Variants in ADAMTSL1 observed in about 807,000 individuals in gnomAD.
ADAMTSL1 encodes ADAMTS-like protein 1.
Under a neutral mutation model 201.8 loss-of-function variants are expected in ADAMTSL1, and 126 were observed. That is an observed-to-expected ratio of 0.62 (90% confidence interval 0.54 to 0.72). The LOEUF is 0.72. Ranked by LOEUF, ADAMTSL1 falls within the 30% of genes least tolerant of loss-of-function variation. The probability of loss-of-function intolerance (pLI) is 0.00; values close to 1 mark genes in which losing one functional copy is unlikely to be tolerated. For synonymous variants in ADAMTSL1, 1,121 were observed against 903.4 expected (o/e 1.24, Z -4.32); for missense variants, 2,679 against 2,277.8 (o/e 1.18, Z -3.59).
chr9:18,811,722 C>G (rs933244009), intron 20 of ADAMTSL1, among the ~76,000 whole-genome samples: 1 of 152,180 alleles, frequency 6.6e-6, no homozygotes, highest in African/African-American at 2.4e-5. Context: ...ACCTTCATCA[C>G]CCTTATTCAT....
intron 2 of ADAMTSL1, among the ~76,000 whole-genome samples, chr9:18,225,697 A>G (rs1224535504): frequency 6.6e-6 from 1 of 152,150 alleles, no homozygotes; most frequent in Non-Finnish European, 1.5e-5. Context: ...TTTGTTCAGA[A>G]GTATTTTTAA....
intron 1 of ADAMTSL1, among the ~76,000 whole-genome samples, chr9:17,913,509 C>G (rs1237194705): frequency 1.3e-5 from 2 of 152,070 alleles, no homozygotes; most frequent in Admixed American, 6.6e-5. Context: ...ATCTCTGGGA[C>G]ACATTCAAAG....
chr9:18,283,148 T>C (rs1309493937), intron 2 of ADAMTSL1, among the ~76,000 whole-genome samples: 2 of 152,230 alleles, frequency 1.3e-5, no homozygotes, highest in Non-Finnish European at 2.9e-5. Context: ...TAAGTTTATA[T>C]ACTCTTATAA....
chr9:17,978,476 G>C (rs183979848), intron 1 of ADAMTSL1, among the ~76,000 whole-genome samples: 270 of 151,864 alleles, frequency 1.8e-3, no homozygotes, highest in Admixed American at 9.4e-3. Flanking sequence ...TTTTTGCTTT[G>C]TATTTCCATG....
chr9:18,371,305 A>G (rs937349022), intron 2 of ADAMTSL1, among the ~76,000 whole-genome samples: 11 of 152,204 alleles, frequency 7.2e-5, no homozygotes, highest in Non-Finnish European at 1.3e-4. Flanking sequence ...CATCATTAGA[A>G]TAATACATTC....
intron 23 of ADAMTSL1, among the ~76,000 whole-genome samples, chr9:18,886,259 CACACAG>C (rs1242432193): frequency 6.8e-6 from 1 of 147,862 alleles, no homozygotes; most frequent in African/African-American, 2.5e-5. Context: ...TACATACACA[CACACAG>C]AAATTATCTG....
In ADAMTSL1 at chr9:17,923,184, G is replaced by A. The variant is rs938900579; in HGVS notation, c.87+16262G>A. On this transcript the variant is annotated intron_variant, in intron 1 of 29. Transcript: ENST00000680146. ...TTTTTCCAATTCTGTGAAGAAAGTC[G>A]TTGGTAGCTTGATGGGGATGGCATT... Among the ~76,000 whole-genome samples the A allele has an allele frequency of 2.7e-3, 408 of 151,238 alleles. 1 individual carries two copies. Among genetic ancestry groups the A allele is most frequent in the Non-Finnish European group, 3.7e-3 (253 of 67,706 alleles).
intron 1 of ADAMTSL1, among the ~76,000 whole-genome samples, chr9:18,104,267 C>T (rs7871438): frequency 0.11 from 16,740 of 152,066 alleles, 1,288 homozygotes; most frequent in African/African-American, 0.21. Context: ...GCAGTGTAGT[C>T]GCAATCCCGT....
At chr9:18,624,695 G>A (rs1826245336) in intron 5 of ADAMTSL1, among the ~76,000 whole-genome samples, 2 of 152,116 alleles carry the variant, frequency 1.3e-5, no homozygotes, top group South Asian at 2.1e-4. Flanking sequence ...GTTAGGGAGG[G>A]ATGGGTGACC....
intron 4 of ADAMTSL1, among the ~76,000 whole-genome samples, chr9:18,599,211 G>A (rs1301094106): frequency 6.6e-6 from 1 of 152,178 alleles, no homozygotes; most frequent in Non-Finnish European, 1.5e-5. Context: ...ACACAAGTTA[G>A]GGATGAAAGG....
intron 1 of ADAMTSL1, among the ~76,000 whole-genome samples, chr9:18,037,239 G>C (rs1263234385): frequency 6.6e-6 from 1 of 152,156 alleles, no homozygotes; most frequent in East Asian, 1.9e-4. Flanking sequence ...GGTGGGACTT[G>C]TAGTCCCTTT....
At chr9:18,806,147 T>C (rs1247747255) in intron 20 of ADAMTSL1, among the ~76,000 whole-genome samples, 2 of 152,246 alleles carry the variant, frequency 1.3e-5, no homozygotes, top group African/African-American at 4.8e-5. Flanking sequence ...CAACAAACGT[T>C]CATTAAGCCT....
intron 1 of ADAMTSL1, among the ~76,000 whole-genome samples, chr9:18,044,469 T>A (rs1444228420): frequency 6.6e-6 from 1 of 152,148 alleles, no homozygotes; most frequent in Non-Finnish European, 1.5e-5. Flanking sequence ...GGACCAGTCT[T>A]CATAACTCTT....
chr9:18,789,554 G>A (rs1452784340), intron 19 of ADAMTSL1, among the ~76,000 whole-genome samples: 1 of 152,174 alleles, frequency 6.6e-6, no homozygotes, highest in Non-Finnish European at 1.5e-5. Flanking sequence ...TTTATTTAGT[G>A]TGCCAGCACT....
chr9:18,730,249 C>T (rs1444684779), intron 15 of ADAMTSL1, among the ~76,000 whole-genome samples: 1 of 152,094 alleles, frequency 6.6e-6, no homozygotes, highest in Admixed American at 6.5e-5. Flanking sequence ...TAGAAATATG[C>T]TATATTACTA....
intron 2 of ADAMTSL1, among the ~76,000 whole-genome samples, chr9:18,230,528 C>A (rs902731081): frequency 2.0e-5 from 3 of 152,024 alleles, no homozygotes; most frequent in Non-Finnish European, 4.4e-5. Context: ...ACAAATGAGA[C>A]CCTGGCACGT....
upstream of ADAMTSL1, among the ~76,000 whole-genome samples, chr9:18,470,080 C>T (rs1049106469): frequency 9.9e-5 from 15 of 152,158 alleles, no homozygotes; most frequent in Admixed American, 5.9e-4. Context: ...CATCTGTCAG[C>T]GTCTCAGATG....
chr9:17,920,275 C>T (rs938238918), intron 1 of ADAMTSL1, among the ~76,000 whole-genome samples: 1 of 152,126 alleles, frequency 6.6e-6, no homozygotes, highest in African/African-American at 2.4e-5. Context: ...GCTAGCATTC[C>T]TCCTTTCACC....
intron 1 of ADAMTSL1, among the ~76,000 whole-genome samples, chr9:17,985,042 T>G (rs573010043): frequency 2.0e-5 from 3 of 152,138 alleles, no homozygotes; most frequent in Non-Finnish European, 4.4e-5. Flanking sequence ...AGGTAATTGT[T>G]TTCTGTATTT....
Sources: gnomAD v4.1 joint callset for allele counts (sites outside exome capture counted in the v4.1 genomes callset) on GRCh38, gnomAD v4.1.1 for gene constraint, MANE v1.5 for transcripts, NCBI Gene and HGNC (gene_info 2026-07-23, HGNC 2026-07-21) for gene names.